The following MYO1A variants were observed in gnomAD, a reference collection of about 807,000 sequenced individuals.
MYO1A encodes the protein myosin IA, also known as unconventional myosin-Ia.
Under a neutral mutation model 138.5 loss-of-function variants are expected in MYO1A, and 127 were observed. That is an observed-to-expected ratio of 0.92 (90% CI 0.79 to 1.06). MYO1A has a LOEUF of 1.06. Among genes scored for constraint, MYO1A ranks in the 50% least tolerant of loss-of-function variants. MYO1A has a pLI of 0.00. For missense variants in MYO1A, 1,211 were observed against 1,288.8 expected (o/e 0.94, Z 0.92); for synonymous variants, 477 against 497.5 (o/e 0.96, Z 0.55).
chr12:57,038,689 C>A, intron 16 of MYO1A, 51 bp from the exon 17 acceptor site: 1 of 1,609,932 alleles, frequency 6.2e-7, no homozygotes, highest in Admixed American at 1.7e-5. Flanking sequence ...TGTCCCAGCA[C>A]TTGGCCCTCC....
intron 12 of MYO1A, among the ~76,000 whole-genome samples, chr12:57,041,951 T>C (rs1284648091): frequency 6.6e-6 from 1 of 152,236 alleles, no homozygotes; most frequent in Non-Finnish European, 1.5e-5. Flanking sequence ...TAATAGCTTC[T>C]AAATAGATGG....
chr12:57,037,067 G>A lies in MYO1A; in HGVS notation c.2080C>T (p.Arg694Cys), dbSNP rs767421033. 25 of 1,614,046 alleles carry A rather than the reference G, an allele frequency of 1.5e-5. No individual in the cohort carries two copies. Among genetic ancestry groups the A allele is most frequent in the Middle Eastern group, 3.3e-4 (2 of 6,084 alleles). The change falls in exon 20 of 28, where the codon CGC becomes TGC. Residue 694 changes from arginine (R) to cysteine (C), a missense_variant. Transcript: ENST00000300119. Reference sequence around the variant, plus strand: ...GTGGCCAGCTGCTGGAGTCTCAGGCGCCTCTGTTCTTCGAGGTAGAAAAGC... The same window carrying A: ...GTGGCCAGCTGCTGGAGTCTCAGGCACCTCTGTTCTTCGAGGTAGAAAAGC... ...KTLFYLEEQR[R>C]LRLQQLATLI...
At chr12:57,029,930 CCA>C (rs2030191603) in intron 24 of MYO1A, 58 bp from the exon 25 acceptor site, 1 of 1,613,334 alleles carries the variant, frequency 6.2e-7, no homozygotes, top group Non-Finnish European at 8.5e-7. Context: ...TTCCCCACCC[CCA>C]GAGTTCCCAT....
intron 14 of MYO1A, among the ~76,000 whole-genome samples, chr12:57,040,629 A>G (rs1243532032): frequency 6.6e-6 from 1 of 152,230 alleles, no homozygotes; most frequent in Non-Finnish European, 1.5e-5. Flanking sequence ...CTGAGAGCTC[A>G]CAAGGGAACA....
At chr12:57,043,469 T>G in intron 10 of MYO1A, 111 bp from the exon 11 acceptor site, 2 of 1,068,386 alleles carry the variant, frequency 1.9e-6, no homozygotes, top group Non-Finnish European at 2.9e-6. Context: ...GGGGTCTCAC[T>G]GGAGAAGTCA....
At chr12:57,036,864 A>T (rs2030575136) in intron 20 of MYO1A, 24 bp from the exon 21 acceptor site, 1 of 1,614,204 alleles carries the variant, frequency 6.2e-7, no homozygotes. Context: ...AGGAGTTGTT[A>T]GAAAAATGGC....
chr12:57,044,091 A>G lies in MYO1A; in HGVS notation c.744+15T>C, dbSNP rs773433585. The G allele has an allele frequency of 6.2e-7, 1 of 1,614,090 alleles. No homozygotes were observed. The highest frequency in any genetic ancestry group is 1.3e-5 in the African/African-American group (1 of 75,020). On this transcript the variant is annotated intron_variant, in intron 9 of 27. Transcript: ENST00000300119. ...TGACCTAAGGGCCCAAGCCTGCCTCACCCTGGGCACCCACCTGTACAGCCC... is the reference window on the plus strand; with the variant it reads ...TGACCTAAGGGCCCAAGCCTGCCTCGCCCTGGGCACCCACCTGTACAGCCC...
chr12:57,028,592 G>C lies in MYO1A; in HGVS notation c.*163C>G. 3 of 923,384 alleles carry C rather than the reference G, an allele frequency of 3.2e-6. No homozygotes were observed. The highest frequency in any genetic ancestry group is 4.9e-6 in the Non-Finnish European group (3 of 618,492). 57.2% of individuals were successfully genotyped at this position (923,384 alleles called of 1,614,324 possible). On this transcript the variant is annotated 3_prime_UTR_variant, in exon 28 of 28. Coordinates refer to ENST00000300119, the MANE Select transcript of MYO1A (RefSeq NM_005379.4). ...TGGAGGAAGCTACTTTTGGAGGAGAGAACAAGAAGGGTTTGGGACAAGGGT... is the reference window on the plus strand; with the variant it reads ...TGGAGGAAGCTACTTTTGGAGGAGACAACAAGAAGGGTTTGGGACAAGGGT...
Position 57,037,701 on chromosome 12 carries a change from C to T in MYO1A, c.1962-60G>A, listed in dbSNP as rs1353476670. ...TATCTCAGGAGAAAGTCCTCTTCCA[C>T]CTTTCCCCTAATCCTTTCAGCCTCC... On this transcript the variant is annotated intron_variant, in intron 18 of 27. Transcript: ENST00000300119. The T allele has an allele frequency of 3.9e-6, 6 of 1,545,630 alleles. No homozygotes were observed. The African/African-American group carries it at 8.1e-5, about 21-fold the overall frequency.
chr12:57,046,889 G>GA lies in MYO1A; in HGVS notation c.514dup (p.Ser172PhefsTer13), dbSNP rs772347806. 42 of 1,614,002 alleles carry GA rather than the reference G, an allele frequency of 2.6e-5. No individual in the cohort carries two copies. The highest frequency in any genetic ancestry group is 9.3e-5 in the African/African-American group (7 of 74,904). On this transcript the variant is annotated frameshift_variant, in exon 7 of 28. Coordinates refer to ENST00000300119, the MANE Select transcript of MYO1A (RefSeq NM_005379.4). LOFTEE classifies it high-confidence loss of function. ...GTTTGTGATGACACCACCGAGGGGG[G>GA]ATCCCTTGAAGTCAAATTCAATATC... is the stretch of plus-strand genomic sequence containing the variant.
At position 57,038,920 on chromosome 12, in the gene MYO1A, C is replaced by G. The variant is rs765625226; in HGVS notation, c.1422G>C (p.Gln474His). 3.7e-6 allele frequency: 6 copies of G among 1,614,218 alleles called. No individual in the cohort carries two copies. The highest frequency in any genetic ancestry group is 4.2e-6 in the Non-Finnish European group (5 of 1,180,044). Residue 474 changes from glutamine (Q) to histidine (H), a missense_variant, in exon 16 of 28, where the codon CAG becomes CAC. By Grantham distance (24) the Gln-to-His change is conservative (BLOSUM62 0). Coordinates refer to ENST00000300119, the MANE Select transcript of MYO1A (RefSeq NM_005379.4). ...SDSTFLAKLN[Q>H]LFSKHGHYES... ...CGTAGTGGCCATGCTTGGAGAAGAG[C>G]TGGTTCAGCTTTGCTAGGAAAGTGG...
At chr12:57,032,137 T>C (rs964738513) in intron 22 of MYO1A, among the ~76,000 whole-genome samples, 6 of 152,216 alleles carry the variant, frequency 3.9e-5, no homozygotes, top group Non-Finnish European at 8.8e-5. Flanking sequence ...AAGCCCCGGA[T>C]TGCCTCTCCT....
intron 22 of MYO1A, among the ~76,000 whole-genome samples, chr12:57,035,498 GCA>G (rs1241314355): frequency 6.6e-6 from 1 of 152,198 alleles, no homozygotes. Flanking sequence ...GTCTGAATGA[GCA>G]CAGTCAGGGT....
chr12:57,039,213 T>A lies in MYO1A; in HGVS notation c.1331A>T (p.His444Leu). 6.2e-7 allele frequency: 1 copy of A among 1,613,986 alleles called. No individual in the cohort carries two copies. The highest frequency in any genetic ancestry group is 1.3e-5 in the African/African-American group (1 of 75,048). Residue 444 changes from histidine to leucine, a missense_variant and splice_region_variant, in exon 15 of 28, where the codon CAT becomes CTT. Coordinates refer to ENST00000300119, the MANE Select transcript of MYO1A (RefSeq NM_005379.4). ...DNGIICKLIEHNQRGILAMLD... is the reference protein window; with the variant it reads ...DNGIICKLIELNQRGILAMLD... ...ACAGATAAGAGAATGACAACTCACA[T>A]GCTCAATGAGCTTACAAATGATGCC...
chr12:57,033,129 T>C (rs563541082), intron 22 of MYO1A, among the ~76,000 whole-genome samples: 1 of 152,316 alleles, frequency 6.6e-6, no homozygotes, highest in East Asian at 1.9e-4. Context: ...TCCCAAGAAC[T>C]GGAACATTCT....
In MYO1A at chr12:57,037,956, T is replaced by C. The variant is rs759820277; in HGVS notation, c.1874A>G (p.Tyr625Cys). 7 of 1,614,140 alleles carry C rather than the reference T, an allele frequency of 4.3e-6. No homozygotes were observed. The highest frequency in any genetic ancestry group is 1.7e-6 in the Non-Finnish European group (2 of 1,180,022). ...LENVRVRRAGYAHRQGYGPFL... is the reference protein window; with the variant it reads ...LENVRVRRAGCAHRQGYGPFL... ...GGGCCCATAACCCTGGCGGTGGGCA[T>C]AGCCTGCCCGTCGCACCCGTACGTT... The change falls in exon 18 of 28, where the codon TAT becomes TGT. Residue 625 changes from tyrosine to cysteine, a missense_variant. Coordinates refer to ENST00000300119, the MANE Select transcript of MYO1A (RefSeq NM_005379.4).
At chr12:57,029,283 G>C (rs1485640614) in intron 26 of MYO1A, 24 bp from the exon 27 acceptor site, 2 of 1,613,692 alleles carry the variant, frequency 1.2e-6, no homozygotes, top group Admixed American at 3.3e-5. Flanking sequence ...AAAAATAGCA[G>C]GAAAGGGATT....
intron 11 of MYO1A, 27 bp downstream of exon 11, chr12:57,043,213 C>T (rs923489009): frequency 1.5e-5 from 25 of 1,613,300 alleles, no homozygotes; most frequent in Non-Finnish European, 2.0e-5. Context: ...GTCGAAACAG[C>T]CCCCTCCACT....
chr12:57,047,715 T>G lies in MYO1A; in HGVS notation c.237A>C (p.Ala79=), dbSNP rs764944887. ...TFYELKPHIY[A]LANVAYQSLR... ...GTGACTGGTACGCCACATTTGCCAATGCGTAGCTTGTGGGGAGGAAGTGGG... is the reference window on the plus strand; with the variant it reads ...GTGACTGGTACGCCACATTTGCCAAGGCGTAGCTTGTGGGGAGGAAGTGGG... Residue 79 remains alanine (A), a synonymous_variant, in exon 4 of 28, where the codon GCA becomes GCC. Transcript: ENST00000300119. 3.0e-5 allele frequency: 49 copies of G among 1,614,180 alleles called. No homozygotes were observed. Among genetic ancestry groups the G allele is most frequent in the Non-Finnish European group, 3.4e-5 (40 of 1,180,034 alleles).
Sources: gnomAD v4.1 joint callset for allele counts (sites outside exome capture counted in the v4.1 genomes callset) on GRCh38, gnomAD v4.1.1 for gene constraint, MANE v1.5 for transcripts, NCBI Gene and HGNC (gene_info 2026-07-23, HGNC 2026-07-21) for gene names.